The following GABBR2 variants were observed in gnomAD, a reference collection of about 807,000 sequenced individuals.
GABBR2 encodes the protein G-protein coupled receptor 51.
A neutral mutation model predicts 105.6 loss-of-function variants in GABBR2; 23 were observed. The observed-to-expected ratio is 0.22, with a 90% CI of 0.16 to 0.31. The LOEUF is 0.31. GABBR2 is among the 10% of genes least tolerant of loss of function. GABBR2 has a pLI of 1.00. For synonymous variants in GABBR2, 478 were observed against 499.7 expected (o/e 0.96, Z 0.58); for missense variants, 734 against 1,245.5 (o/e 0.59, Z 6.18).
intron 3 of GABBR2, among the ~76,000 whole-genome samples, chr9:98,535,858 G>A (rs576991532): frequency 6.6e-6 from 1 of 152,002 alleles, no homozygotes; most frequent in South Asian, 2.1e-4. Context: ...AAAAGACAGA[G>A]GACTTTTAGG....
At chr9:98,526,347 A>G (rs1432071826) in intron 3 of GABBR2, among the ~76,000 whole-genome samples, 1 of 152,106 alleles carries the variant, frequency 6.6e-6, no homozygotes, top group East Asian at 1.9e-4. Flanking sequence ...ACATTGCTCC[A>G]GCACTTCCAG....
chr9:98,653,490 T>C (rs1010148360), intron 1 of GABBR2, among the ~76,000 whole-genome samples: 9 of 152,210 alleles, frequency 5.9e-5, no homozygotes, highest in African/African-American at 1.9e-4. Context: ...AAAAACAGAT[T>C]AAGTTAGAGC....
At chr9:98,708,065 G>A (rs933028921) in intron 1 of GABBR2, among the ~76,000 whole-genome samples, 1 of 152,196 alleles carries the variant, frequency 6.6e-6, no homozygotes, top group Admixed American at 6.5e-5. Flanking sequence ...CCCCATGAGC[G>A]GGACCTGGAC....
chr9:98,668,055 T>G (rs555245787), intron 1 of GABBR2, among the ~76,000 whole-genome samples: 1 of 152,334 alleles, frequency 6.6e-6, no homozygotes, highest in East Asian at 1.9e-4. Flanking sequence ...GAAGGGCCAT[T>G]ACAGCTCCAG....
At chr9:98,660,722 C>T (rs535274699) in intron 1 of GABBR2, among the ~76,000 whole-genome samples, 1 of 152,266 alleles carries the variant, frequency 6.6e-6, no homozygotes, top group South Asian at 2.1e-4. Flanking sequence ...AGCTCCTTGC[C>T]TTTTTCAGCT....
Position 98,560,422 on chromosome 9 carries a change from CACAT to C in GABBR2, c.459+17509_459+17512del, listed in dbSNP as rs759883345. ...ACACATACACACACACACACATATA[CACAT>C]ACACACACACACACATACACACACA... On this transcript the variant is annotated intron_variant, in intron 2 of 18. Transcript: ENST00000259455. Among the ~76,000 whole-genome samples the C allele has an allele frequency of 2.1e-3, 264 of 127,538 alleles. 4 individuals carry two copies. Among genetic ancestry groups the C allele is most frequent in the South Asian group, 0.013 (55 of 4,100 alleles). The allele number at this position is 127,538 out of a possible 152,430, so 83.7% of individuals were successfully genotyped here. A position where few individuals can be genotyped will look rare whatever the true frequency, so the allele number is the denominator to read the frequency against.
chr9:98,306,522 CCCTGCTGAGT>C lies in GABBR2; in HGVS notation c.2005-187_2005-178del, dbSNP rs1588091393. On this transcript the variant is annotated intron_variant, in intron 14 of 18. Transcript: ENST00000259455. This position sits in a 1 kb window ranked among gnomAD's most constrained non-coding sequence, Gnocchi z 5.4. ...TGTCACCATCTGTCCCCACTTGTGG[CCCTGCTGAGT>C]CCTGCTGAGCAAATGCAGACTGGGG... 6 of 625,604 alleles carry C rather than the reference CCCTGCTGAGT, an allele frequency of 9.6e-6. No homozygotes were observed. The East Asian group carries it at 1.7e-4, about 17-fold the overall frequency. The allele number at this position is 625,604 out of a possible 1,614,324, so 38.8% of individuals were successfully genotyped here. A position where few individuals can be genotyped will look rare whatever the true frequency, so the allele number is the denominator to read the frequency against.
chr9:98,357,879 T>C (rs1043863971), intron 13 of GABBR2, among the ~76,000 whole-genome samples: 1 of 152,176 alleles, frequency 6.6e-6, no homozygotes, highest in Non-Finnish European at 1.5e-5. Flanking sequence ...AAAAATGGTT[T>C]TGCTACCTAT....
At chr9:98,331,465 G>A (rs551385326) in intron 13 of GABBR2, among the ~76,000 whole-genome samples, 53 of 132,028 alleles carry the variant, frequency 4.0e-4, no homozygotes, top group African/African-American at 5.0e-4. Context: ...CCTCCTCTGC[G>A]TTTCCACAGG....
rs79497231 is a variant in GABBR2 at position 98,563,296 on chromosome 9, G to T, written c.459+14639C>A. 4.0e-4 allele frequency among the ~76,000 whole-genome samples: 61 copies of T among 152,206 alleles called. 2 individuals carry two copies. The highest frequency in any genetic ancestry group is 3.4e-3 in the Middle Eastern group (1 of 294). Reference sequence around the variant, plus strand: ...TCTGGGCCATGAGCTGGGCTCTAAGGTTCCCCCGGCAAACAAAGGAGACGC... The same window carrying T: ...TCTGGGCCATGAGCTGGGCTCTAAGTTTCCCCCGGCAAACAAAGGAGACGC... On this transcript the variant is annotated intron_variant, in intron 2 of 18. Coordinates refer to ENST00000259455, the MANE Select transcript of GABBR2 (RefSeq NM_005458.8).
rs144778382 is a variant in GABBR2 at position 98,576,269 on chromosome 9, G to T, written c.459+1666C>A. Among the ~76,000 whole-genome samples the T allele has an allele frequency of 2.3e-3, 352 of 152,288 alleles. 7 individuals are homozygous for T. In the South Asian group the frequency reaches 0.042, roughly 18 times the overall value. On this transcript the variant is annotated intron_variant, in intron 2 of 18. Coordinates refer to ENST00000259455, the MANE Select transcript of GABBR2 (RefSeq NM_005458.8). Reference sequence around the variant, plus strand: ...TTCACCCTGGCTCCCCACCCATCATGCTCCAGCCCCATTTCCCTGTTTTCT... The same window carrying T: ...TTCACCCTGGCTCCCCACCCATCATTCTCCAGCCCCATTTCCCTGTTTTCT...
At chr9:98,653,410 A>G (rs1830136483) in intron 1 of GABBR2, among the ~76,000 whole-genome samples, 1 of 152,258 alleles carries the variant, frequency 6.6e-6, no homozygotes, top group Admixed American at 6.5e-5. Context: ...CTTTTAAAAT[A>G]AATGGCTGAA....
intron 1 of GABBR2, among the ~76,000 whole-genome samples, chr9:98,622,048 T>C (rs1829677839): frequency 6.6e-6 from 1 of 152,232 alleles, no homozygotes; most frequent in African/African-American, 2.4e-5. Flanking sequence ...TGCATTCTTT[T>C]AATGACCCAA....
At chr9:98,650,141 T>A (rs1324941192) in intron 1 of GABBR2, among the ~76,000 whole-genome samples, 2 of 152,124 alleles carry the variant, frequency 1.3e-5, no homozygotes, top group Non-Finnish European at 2.9e-5. Context: ...TTTAAAAAAT[T>A]TTTCATGTGT....
At chr9:98,307,660 G>C (rs901710731) in intron 14 of GABBR2, among the ~76,000 whole-genome samples, 1 of 152,156 alleles carries the variant, frequency 6.6e-6, no homozygotes, top group Non-Finnish European at 1.5e-5. Context: ...ACCTGGGCAA[G>C]TCACTTCACC....
chr9:98,465,294 T>C (rs1033260906), intron 6 of GABBR2, among the ~76,000 whole-genome samples: 12 of 152,190 alleles, frequency 7.9e-5, no homozygotes, highest in Middle Eastern at 3.4e-3. Flanking sequence ...GATGGACTTT[T>C]CAATAAATGA....
At chr9:98,600,533 T>C (rs1829313774) in intron 1 of GABBR2, among the ~76,000 whole-genome samples, 1 of 152,258 alleles carries the variant, frequency 6.6e-6, no homozygotes, top group Non-Finnish European at 1.5e-5. Context: ...ATTCTGACTC[T>C]GAGAAACCTG....
Position 98,308,355 on chromosome 9 carries a change from G to C in GABBR2, c.2005-2010C>G, listed in dbSNP as rs192158933. On this transcript the variant is annotated intron_variant, in intron 14 of 18. Transcript: ENST00000259455. The stretch of plus-strand genomic sequence containing the variant: ...CTCAAAAAGTAGAATGAGGGTTCAT[G>C]GGCACAAGTTACACTGAGGAAGATT... Among the ~76,000 whole-genome samples, 5 of 152,296 alleles carry C rather than the reference G, an allele frequency of 3.3e-5. No homozygotes were observed. In the East Asian group the frequency reaches 9.6e-4, roughly 29 times the overall value.
At chr9:98,509,327 G>T (rs377299919) in intron 3 of GABBR2, among the ~76,000 whole-genome samples, 37 of 152,286 alleles carry the variant, frequency 2.4e-4, no homozygotes, top group East Asian at 1.3e-3. Context: ...GAAAAAAACA[G>T]AGCAGAAAAA....
Sources: allele counts gnomAD v4.1 joint callset (sites outside exome capture counted in the v4.1 genomes callset), GRCh38; gene constraint gnomAD v4.1.1; non-coding constraint Gnocchi (gnomAD v3.1); transcripts MANE v1.5; gene names NCBI Gene and HGNC (gene_info 2026-07-23, HGNC 2026-07-21).